The following ZNF646 variants were observed in gnomAD, a reference collection of about 807,000 sequenced individuals.
ZNF646 encodes the protein zinc finger protein 646.
A neutral mutation model predicts 115.4 loss-of-function variants in ZNF646; 49 were observed. That is an observed-to-expected ratio of 0.42 (90% CI 0.34 to 0.54). The LOEUF (loss-of-function observed/expected upper bound fraction) is 0.54, where lower values mean the gene tolerates loss of function less well. ZNF646 is among the 20% of genes least tolerant of loss of function. The pLI is 0.04. For missense variants in ZNF646, 2,269 were observed against 2,457.9 expected (o/e 0.92, Z 1.62); for synonymous variants, 933 against 939.0 (o/e 0.99, Z 0.12).
rs781175194 is a variant in ZNF646, at chr16:31,079,417, C to T, written c.3093C>T (p.Pro1031=). 4 of 1,613,900 alleles carry T rather than the reference C, an allele frequency of 2.5e-6. No homozygotes were observed. The highest frequency in any genetic ancestry group is 2.5e-6 in the Non-Finnish European group (3 of 1,179,992). ...DAKSQEGAGT[P]LGDSLCIQGG... ...AGTCTCAAGAGGGAGCAGGCACCCC[C>T]TTGGGAGACAGCCTCTGCATCCAGG... is the stretch of plus-strand genomic sequence containing the variant. The change falls in exon 2 of 3, where the codon CCC becomes CCT. Residue 1031 remains proline (P), a synonymous_variant. Coordinates refer to ENST00000300850, the MANE Select transcript of ZNF646 (RefSeq NM_014699.4). This position sits in a 1 kb window ranked among gnomAD's most constrained non-coding sequence, Gnocchi z 5.5.
At position 31,078,819 on chromosome 16, in the gene ZNF646, A is replaced by G. The variant is rs2057114663; in HGVS notation, c.2495A>G (p.His832Arg). Residue 832 changes from histidine to arginine, a missense_variant, in exon 2 of 3, where the codon CAT (histidine) becomes CGT (arginine). By Grantham distance (29) the His-to-Arg change is conservative (BLOSUM62 0). Transcript: ENST00000300850. ...TCSDCGHSFP[H>R]ATGLLSHRPC... ...TCTGACTGTGGGCATTCTTTCCCCC[A>G]TGCCACTGGCCTGCTGAGCCACAGG... 6.2e-7 allele frequency: 1 copy of G among 1,613,986 alleles called. No individual in the cohort carries two copies. The highest frequency in any genetic ancestry group is 8.5e-7 in the Non-Finnish European group (1 of 1,180,024).
At position 31,082,996 on chromosome 16, in the gene ZNF646, C is replaced by T; in HGVS notation, c.5403C>T (p.Gly1801=). 1 of 1,602,768 alleles carries T rather than the reference C, an allele frequency of 6.2e-7. No individual in the cohort carries two copies. The highest frequency in any genetic ancestry group is 8.5e-7 in the Non-Finnish European group (1 of 1,175,082). Reference sequence around the variant, plus strand: ...GAGCCCCAGTGGCACCAGTGACGGGCAGAGGGGACTTGCCATTGCCCCCTC... The same window carrying T: ...GAGCCCCAGTGGCACCAGTGACGGGTAGAGGGGACTTGCCATTGCCCCCTC... ...GSGAPVAPVT[G]RGDLPLPPPP... Residue 1801 remains glycine, a synonymous_variant, in exon 3 of 3, where the codon GGC becomes GGT. Transcript: ENST00000300850.
rs2057112416 is a variant in ZNF646, at chr16:31,078,713, C to T, written c.2389C>T (p.Pro797Ser). Residue 797 changes from proline (P) to serine (S), a missense_variant, in exon 2 of 3, where the codon CCA becomes TCA. Transcript: ENST00000300850. ...CACTGGGGTGGATGAAGACCAGAAG[C>T]CAGCCACTGGCCAACCCAACTCCTC... The part of the protein sequence containing the change: ...SLTGVDEDQK[P>S]ATGQPNSSSH... 1 of 1,614,046 alleles carries T rather than the reference C, an allele frequency of 6.2e-7. No individual in the cohort carries two copies. The highest frequency in any genetic ancestry group is 8.5e-7 in the Non-Finnish European group (1 of 1,180,010).
Position 31,076,985 on chromosome 16 carries a change from T to C in ZNF646, c.661T>C (p.Phe221Leu). The stretch of plus-strand genomic sequence containing the variant: ...GTATCTGGCTGAATCAGTAGTGAAC[T>C]TCACAGGGGGCCAGGAGCCCACCCA... ...EQYLAESVVN[F>L]TGGQEPTQSP... Residue 221 changes from phenylalanine to leucine, a missense_variant, in exon 2 of 3, where the codon TTC (phenylalanine) becomes CTC (leucine). Physicochemically the swap from Phe to Leu is conservative, Grantham distance 22. This residue lies in a region of ZNF646 where 334 missense variants were observed against 323.5 expected (regional missense o/e 1.03). Coordinates refer to ENST00000300850, the MANE Select transcript of ZNF646 (RefSeq NM_014699.4). 6.2e-7 allele frequency: 1 copy of C among 1,614,014 alleles called. No individual in the cohort carries two copies. Among genetic ancestry groups the C allele is most frequent in the South Asian group, 1.1e-5 (1 of 91,080 alleles).
intron 1 of ZNF646, 128 bp downstream of exon 1, chr16:31,074,759 G>A (rs1011374068): frequency 1.3e-5 from 2 of 152,238 alleles, no homozygotes; most frequent in Non-Finnish European, 2.9e-5. Flanking sequence ...CGAGATGAGT[G>A]AGGTCAGAGG....
At position 31,078,591 on chromosome 16, in the gene ZNF646, G is replaced by A; in HGVS notation, c.2267G>A (p.Gly756Asp). ...THFQGDKESG[G>D]TGEGLERKDA... ...TTCCAGGGTGATAAAGAGAGCGGAG[G>A]CACTGGGGAAGGACTGGAAAGGAAG... is the stretch of plus-strand genomic sequence containing the variant. The change falls in exon 2 of 3, where the codon GGC becomes GAC. Residue 756 changes from glycine (G) to aspartate (D), a missense_variant. Physicochemically the swap from Gly to Asp is moderately conservative, Grantham distance 94. Around this residue, in one of 5 missense-constraint regions of ZNF646, gnomAD observed 852 missense variants for 900.2 expected, o/e 0.95. Coordinates refer to ENST00000300850, the MANE Select transcript of ZNF646 (RefSeq NM_014699.4). 1 of 1,613,126 alleles carries A rather than the reference G, an allele frequency of 6.2e-7. No homozygotes were observed. The highest frequency in any genetic ancestry group is 8.5e-7 in the Non-Finnish European group (1 of 1,179,304).
At chr16:31,075,341 A>C (rs1291405460) in intron 1 of ZNF646, among the ~76,000 whole-genome samples, 1 of 152,174 alleles carries the variant, frequency 6.6e-6, no homozygotes, top group Non-Finnish European at 1.5e-5. Flanking sequence ...TCTGTCACCC[A>C]GGCTGGAGTG....
At position 31,081,202 on chromosome 16, in the gene ZNF646, C is replaced by T. The variant is rs565883817; in HGVS notation, c.4878C>T (p.Ala1626=). 1.7e-5 allele frequency: 27 copies of T among 1,589,594 alleles called. No homozygotes were observed. Among genetic ancestry groups the T allele is most frequent in the African/African-American group, 8.1e-5 (6 of 74,228 alleles). The change falls in exon 2 of 3, where the codon GCC becomes GCT. Residue 1626 remains alanine, a synonymous_variant. Coordinates refer to ENST00000300850, the MANE Select transcript of ZNF646 (RefSeq NM_014699.4). ...AQMEEARDPK[A]GTGEDQVVLP... Reference sequence around the variant, plus strand: ...TGGAGGAGGCCAGAGATCCCAAAGCCGGGACTGGGGAGGACCAGGTGGTTC... The same window carrying T: ...TGGAGGAGGCCAGAGATCCCAAAGCTGGGACTGGGGAGGACCAGGTGGTTC...
Position 31,083,894 on chromosome 16 carries a change from G to A in ZNF646, c.*802G>A. On this transcript the variant is annotated 3_prime_UTR_variant, in exon 3 of 3. Coordinates refer to ENST00000300850, the MANE Select transcript of ZNF646 (RefSeq NM_014699.4). ...CCTCCCCATTCCTCGAAGGAACAGGGTCTGTCTTGGCCGCCATGACAGATG... is the reference window on the plus strand; with the variant it reads ...CCTCCCCATTCCTCGAAGGAACAGGATCTGTCTTGGCCGCCATGACAGATG... The A allele has an allele frequency of 6.2e-7, 1 of 1,603,168 alleles. No homozygotes were observed. The highest frequency in any genetic ancestry group is 8.5e-7 in the Non-Finnish European group (1 of 1,174,956).
At position 31,078,996 on chromosome 16, in the gene ZNF646, C is replaced by T; in HGVS notation, c.2672C>T (p.Pro891Leu). ...FLCCLCGMIF[P>L]GRAGYRLHRR... ...TGCTGCCTCTGTGGCATGATCTTCC[C>T]TGGGCGGGCTGGCTACAGGCTTCAC... The change falls in exon 2 of 3, where the codon CCT (proline) becomes CTT (leucine). Residue 891 changes from proline (P) to leucine (L), a missense_variant. Physicochemically the swap from Pro to Leu is moderately conservative, Grantham distance 98. Coordinates refer to ENST00000300850, the MANE Select transcript of ZNF646 (RefSeq NM_014699.4). 1 of 1,599,464 alleles carries T rather than the reference C, an allele frequency of 6.3e-7. No homozygotes were observed. Among genetic ancestry groups the T allele is most frequent in the Non-Finnish European group, 8.5e-7 (1 of 1,171,430 alleles).
In ZNF646 at chr16:31,080,952, C is replaced by T. The variant is rs2057150010; in HGVS notation, c.4628C>T (p.Ser1543Leu). The T allele has an allele frequency of 1.2e-6, 2 of 1,614,018 alleles. No individual in the cohort carries two copies. The highest frequency in any genetic ancestry group is 1.3e-5 in the African/African-American group (1 of 74,926). The change falls in exon 2 of 3, where the codon TCA (serine) becomes TTA (leucine). Residue 1543 changes from serine (S) to leucine (L), a missense_variant. This residue lies in a region of ZNF646 where 1,062 missense variants were observed against 1,172.8 expected (regional missense o/e 0.91). Transcript: ENST00000300850. Reference sequence around the variant, plus strand: ...CAGTGTGGCAAGACTTACTGCCAGTCAGGCAGCCTCTTGAACCACAACACC... The same window carrying T: ...CAGTGTGGCAAGACTTACTGCCAGTTAGGCAGCCTCTTGAACCACAACACC... ...CSQCGKTYCQ[S>L]GSLLNHNTNK... is the part of the protein sequence containing the mutation.
Position 31,081,022 on chromosome 16 carries a change from C to A in ZNF646, c.4698C>A (p.Phe1566Leu), listed in dbSNP as rs2057151266. The change falls in exon 2 of 3, where the codon TTC (phenylalanine) becomes TTA (leucine). Residue 1566 changes from phenylalanine to leucine, a missense_variant. This residue lies in a region of ZNF646 where 1,062 missense variants were observed against 1,172.8 expected (regional missense o/e 0.91). Coordinates refer to ENST00000300850, the MANE Select transcript of ZNF646 (RefSeq NM_014699.4). Reference sequence around the variant, plus strand: ...ATTGCCTGCTCTGCTCCAAGGAGTTCTTAAATCCTGTGGCCACAAAGAGCC... The same window carrying A: ...ATTGCCTGCTCTGCTCCAAGGAGTTATTAAATCCTGTGGCCACAAAGAGCC... ...RHYCLLCSKE[F>L]LNPVATKSHS... is the part of the protein sequence containing the mutation. The A allele has an allele frequency of 1.9e-6, 3 of 1,614,030 alleles. No individual in the cohort carries two copies. In the South Asian group the frequency reaches 3.3e-5, roughly 18 times the overall value.
chr16:31,076,543 C>T lies in ZNF646; in HGVS notation c.219C>T (p.Gly73=). The T allele has an allele frequency of 1.2e-6, 2 of 1,612,778 alleles. No individual in the cohort carries two copies. The highest frequency in any genetic ancestry group is 1.3e-5 in the African/African-American group (1 of 75,022). The change falls in exon 2 of 3, where the codon GGC becomes GGT. Residue 73 remains glycine (G), a synonymous_variant. Coordinates refer to ENST00000300850, the MANE Select transcript of ZNF646 (RefSeq NM_014699.4). The part of the protein sequence containing the change: ...LVNHRRTHET[G]LFPCTTCGKD... ...ACCATCGTCGGACCCACGAGACTGG[C>T]CTTTTCCCCTGTACCACCTGTGGCA...
At position 31,083,195 on chromosome 16, in the gene ZNF646, C is replaced by A; in HGVS notation, c.*103C>A. The A allele has an allele frequency of 6.8e-7, 1 of 1,471,128 alleles. No homozygotes were observed. 91.1% of individuals were successfully genotyped at this position (1,471,128 alleles called of 1,614,324 possible). ...AGTAGTTCGGGCATCCCCATATCTT[C>A]TCCTCTCCCCTTGTGAAGAGGACCC... On this transcript the variant is annotated 3_prime_UTR_variant, in exon 3 of 3. Coordinates refer to ENST00000300850, the MANE Select transcript of ZNF646 (RefSeq NM_014699.4).
At position 31,079,407 on chromosome 16, in the gene ZNF646, C is replaced by T. The variant is rs763100118; in HGVS notation, c.3083C>T (p.Ala1028Val). ...GGAGATGCCAAGTCTCAAGAGGGAG[C>T]AGGCACCCCCTTGGGAGACAGCCTC... ...EGGDAKSQEGAGTPLGDSLCI... is the reference protein window; with the variant it reads ...EGGDAKSQEGVGTPLGDSLCI... The change falls in exon 2 of 3, where the codon GCA becomes GTA. Residue 1028 changes from alanine (A) to valine (V), a missense_variant. Physicochemically the swap from Ala to Val is moderately conservative, Grantham distance 64. This residue lies in a region of ZNF646 where 1,062 missense variants were observed against 1,172.8 expected (regional missense o/e 0.91). Coordinates refer to ENST00000300850, the MANE Select transcript of ZNF646 (RefSeq NM_014699.4). This position sits in a 1 kb window ranked among gnomAD's most constrained non-coding sequence, Gnocchi z 5.5. 1.9e-6 allele frequency: 3 copies of T among 1,614,074 alleles called. No individual in the cohort carries two copies. Among genetic ancestry groups the T allele is most frequent in the Middle Eastern group, 3.3e-4 (2 of 6,062 alleles).
chr16:31,073,493 G>C (rs1181628677), upstream of ZNF646: 2 of 152,122 alleles, frequency 1.3e-5, no homozygotes, highest in African/African-American at 4.8e-5. Flanking sequence ...GGACCTGCTG[G>C]GCCCGCAATG....
Position 31,078,250 on chromosome 16 carries a change from A to G in ZNF646, c.1926A>G (p.Gly642=). Residue 642 remains glycine (G), a synonymous_variant, in exon 2 of 3, where the codon GGA becomes GGG. Transcript: ENST00000300850. ...ACCACAGGCAGACCCACCAGACAGGAGACTTCAGTTGTGGGGCCTGTGCCA... is the reference window on the plus strand; with the variant it reads ...ACCACAGGCAGACCCACCAGACAGGGGACTTCAGTTGTGGGGCCTGTGCCA... The part of the protein sequence containing the change: ...LINHRQTHQT[G]DFSCGACAKH... 2 of 1,613,980 alleles carry G rather than the reference A, an allele frequency of 1.2e-6. No individual in the cohort carries two copies. The highest frequency in any genetic ancestry group is 1.7e-6 in the Non-Finnish European group (2 of 1,180,028).
intron 2 of ZNF646, chr16:31,082,687 A>T (rs1213399123): frequency 4.5e-6 from 2 of 444,376 alleles, no homozygotes; most frequent in Non-Finnish European, 8.2e-6. Context: ...GGTGGCCCTG[A>T]GATGGTGGGC....
chr16:31,082,076 T>A (rs1257799740), intron 2 of ZNF646: 1 of 386,532 alleles, frequency 2.6e-6, no homozygotes, highest in Admixed American at 4.4e-5. Flanking sequence ...AGTAATGACT[T>A]CCAGAGAAAA....
Sources: allele counts gnomAD v4.1 joint callset (sites outside exome capture counted in the v4.1 genomes callset), GRCh38; gene constraint gnomAD v4.1.1; regional missense constraint gnomAD v4.1.1; non-coding constraint Gnocchi (gnomAD v3.1); transcripts MANE v1.5; gene names NCBI Gene and HGNC (gene_info 2026-07-23, HGNC 2026-07-21).